The following HPSE variants were observed in gnomAD, a reference collection of about 807,000 sequenced individuals.
The protein encoded by HPSE is heparanase.
In HPSE, 48 loss-of-function variants were observed where a neutral mutation model predicts 65.1. The observed-to-expected ratio is 0.74, with a 90% CI of 0.58 to 0.94. HPSE has a LOEUF of 0.94. Ranked by LOEUF, HPSE falls within the 40% of genes least tolerant of loss-of-function variation. The pLI, the probability that HPSE is intolerant of heterozygous loss-of-function variation, is 0.00. For missense variants in HPSE, 644 were observed against 637.5 expected, an observed-to-expected ratio of 1.01 and a Z score of -0.11; for synonymous variants, 243 against 260.0, an observed-to-expected ratio of 0.93 and a Z score of 0.63.
At chr4:83,314,303 A>C (rs1736544765) in intron 3 of HPSE, among the ~76,000 whole-genome samples, 1 of 152,024 alleles carries the variant, frequency 6.6e-6, no homozygotes, top group African/African-American at 2.4e-5. Context: ...TAAAGAAAAG[A>C]AAAATAATTA....
upstream of HPSE, chr4:83,334,945 T>A (rs573010979): frequency 8.8e-7 from 1 of 1,140,692 alleles, no homozygotes; most frequent in Non-Finnish European, 1.2e-6. Context: ...CCACTCCTCT[T>A]CTGCATCCCT....
In HPSE at chr4:83,326,868, G is replaced by A; in HGVS notation, c.228-4504C>T. 6.6e-6 allele frequency among the ~76,000 whole-genome samples: 1 copy of A among 152,198 alleles called. No homozygotes were observed. The highest frequency in any genetic ancestry group is 1.5e-5 in the Non-Finnish European group (1 of 68,030). ...GCGGCTGGGCAAGAGACTGGGAAGT[G>A]GGAGGAAACGAGCACCTGGAAAAGT... is the stretch of plus-strand genomic sequence containing the variant. On this transcript the variant is annotated intron_variant, in intron 1 of 11. Coordinates refer to ENST00000311412, the MANE Select transcript of HPSE (RefSeq NM_001098540.3). This position sits in a 1 kb window ranked among gnomAD's most constrained non-coding sequence, Gnocchi z 4.2.
At chr4:83,302,984 G>C (rs1736008833) in intron 9 of HPSE, among the ~76,000 whole-genome samples, 1 of 151,784 alleles carries the variant, frequency 6.6e-6, no homozygotes, top group African/African-American at 2.4e-5. Context: ...CAAAATAACA[G>C]TTAAAAAAAT....
upstream of HPSE, chr4:83,334,930 C>T (rs1737560652): frequency 7.9e-7 from 1 of 1,262,906 alleles, no homozygotes; most frequent in Non-Finnish European, 1.1e-6. Context: ...CGCCCTCCAT[C>T]CCTCCCACTC....
intron 11 of HPSE, among the ~76,000 whole-genome samples, chr4:83,299,429 G>A (rs1369841859): frequency 2.0e-5 from 3 of 150,292 alleles, no homozygotes; most frequent in Non-Finnish European, 3.0e-5. Flanking sequence ...TGTTGGAAAG[G>A]CTCTTGGGAA....
Position 83,309,542 on chromosome 4 carries a change from T to C in HPSE, c.891-47A>G, listed in dbSNP as rs774422099. The C allele has an allele frequency of 2.7e-6, 3 of 1,093,492 alleles. No homozygotes were observed. In the South Asian group the frequency reaches 4.0e-5, roughly 15 times the overall value. The allele number at this position is 1,093,492 out of a possible 1,614,324, so 67.7% of individuals were successfully genotyped here. A position where few individuals can be genotyped will look rare whatever the true frequency, so the allele number is the denominator to read the frequency against. On this transcript the variant is annotated intron_variant, in intron 6 of 11. Transcript: ENST00000311412. ...CAGAAAAAAAATAACAAATTTTACT[T>C]TCTGCTTTTAGGTTAATTGCTGACC...
In HPSE at chr4:83,315,400, C is replaced by T. The variant is rs188330631; in HGVS notation, c.500-2113G>A. On this transcript the variant is annotated intron_variant, in intron 3 of 11. Transcript: ENST00000311412. ...AGTATGGAGGCTTTAGGATCATCAG[C>T]CTATGCTTAACCTCCACCCTCATTT... Among the ~76,000 whole-genome samples, 11 of 152,230 alleles carry T rather than the reference C, an allele frequency of 7.2e-5. No homozygotes were observed. In the East Asian group the frequency reaches 2.1e-3, roughly 29 times the overall value.
At chr4:83,327,982 A>T (rs1737213638) in intron 1 of HPSE, among the ~76,000 whole-genome samples, 1 of 152,196 alleles carries the variant, frequency 6.6e-6, no homozygotes, top group Non-Finnish European at 1.5e-5. Context: ...TCTGAAGAAC[A>T]CCAATGTTTA....
chr4:83,316,301 A>G (rs1218636391), intron 3 of HPSE, among the ~76,000 whole-genome samples: 1 of 151,704 alleles, frequency 6.6e-6, no homozygotes, highest in Non-Finnish European at 1.5e-5. Context: ...TGCTGGGATT[A>G]CAGGCGTGAG....
upstream of HPSE, chr4:83,334,970 T>G (rs1264820443): frequency 3.2e-6 from 3 of 925,872 alleles, no homozygotes; most frequent in Non-Finnish European, 4.6e-6. Flanking sequence ...CTGCTCCCAA[T>G]CCAACCCCGC....
At chr4:83,303,954 A>G (rs1460800273) in intron 9 of HPSE, among the ~76,000 whole-genome samples, 1 of 152,198 alleles carries the variant, frequency 6.6e-6, no homozygotes, top group Admixed American at 6.5e-5. Flanking sequence ...GGAGGAAATT[A>G]TATTTTCCTC....
chr4:83,299,670 A>G (rs1217678299), intron 11 of HPSE, among the ~76,000 whole-genome samples: 1 of 152,028 alleles, frequency 6.6e-6, no homozygotes. Context: ...CAAAGATGGG[A>G]GGAGATGGTG....
chr4:83,295,942 G>T (rs970530925), intron 11 of HPSE, among the ~76,000 whole-genome samples: 1 of 152,182 alleles, frequency 6.6e-6, no homozygotes, highest in African/African-American at 2.4e-5. Context: ...AGCATAAATG[G>T]TAGCCAATGA....
chr4:83,317,539 T>G (rs1489035082), intron 3 of HPSE, among the ~76,000 whole-genome samples: 1 of 152,228 alleles, frequency 6.6e-6, no homozygotes, highest in African/African-American at 2.4e-5. Context: ...TGGCTGGACT[T>G]ACACTAACTA....
At chr4:83,310,949 T>C in intron 4 of HPSE, 59 bp from the exon 5 acceptor site, 1 of 1,354,290 alleles carries the variant, frequency 7.4e-7, no homozygotes, top group Admixed American at 2.2e-5. Flanking sequence ...AAAGCAAACA[T>C]ATAGCAGTAT....
chr4:83,324,598 C>T (rs1375223593), intron 1 of HPSE, among the ~76,000 whole-genome samples: 1 of 152,116 alleles, frequency 6.6e-6, no homozygotes, highest in African/African-American at 2.4e-5. Context: ...CGAATTCACC[C>T]TGACTGAAAT....
Position 83,295,338 on chromosome 4 carries a change from T to G in HPSE, c.*6A>C, listed in dbSNP as rs372237278. On this transcript the variant is annotated 3_prime_UTR_variant, in exon 12 of 12. Coordinates refer to ENST00000311412, the MANE Select transcript of HPSE (RefSeq NM_001098540.3). ...AATTCAGTGTCAGGACTAGTATATT[T>G]TATTTTCAGATGCAAGCAGCAACTT... 5.6e-6 allele frequency: 9 copies of G among 1,602,520 alleles called. No homozygotes were observed. In the African/African-American group the frequency reaches 1.2e-4, roughly 22 times the overall value.
At position 83,313,256 on chromosome 4, in the gene HPSE, T is replaced by G. The variant is rs767355229; in HGVS notation, c.531A>C (p.Ala177=). The change falls in exon 4 of 12, where the codon GCA becomes GCC. Residue 177 remains alanine (A), a synonymous_variant. Transcript: ENST00000311412. ...RSSVDVLYTF[A]NCSGLDLIFG... ...AGATCAAGTCCAGTCCTGAGCAGTTTGCAAAAGTGTATAGCACATCTACAG... is the reference window on the plus strand; with the variant it reads ...AGATCAAGTCCAGTCCTGAGCAGTTGGCAAAAGTGTATAGCACATCTACAG... 6.2e-7 allele frequency: 1 copy of G among 1,613,820 alleles called. No individual in the cohort carries two copies.
chr4:83,330,300 G>A (rs921555109), intron 1 of HPSE, among the ~76,000 whole-genome samples: 1 of 152,258 alleles, frequency 6.6e-6, no homozygotes, highest in Non-Finnish European at 1.5e-5. Flanking sequence ...CAAGGAGGTA[G>A]AGGAGATATT....
Sources: allele counts gnomAD v4.1 joint callset (sites outside exome capture counted in the v4.1 genomes callset), GRCh38; gene constraint gnomAD v4.1.1; non-coding constraint Gnocchi (gnomAD v3.1); transcripts MANE v1.5; gene names NCBI Gene and HGNC (gene_info 2026-07-23, HGNC 2026-07-21).